The following HK2 variants were observed in gnomAD, a reference collection of about 807,000 sequenced individuals.
HK2 encodes the protein hexokinase-2.
A neutral mutation model predicts 92.9 loss-of-function variants in HK2; 42 were observed. The observed-to-expected ratio is 0.45, with a 90% confidence interval of 0.35 to 0.58. HK2 has a LOEUF of 0.58. Ranked by LOEUF, HK2 falls within the 20% of genes least tolerant of loss-of-function variation. The pLI, the probability that HK2 is intolerant of heterozygous loss-of-function variation, is 0.00. For synonymous variants in HK2, 422 were observed against 468.0 expected, an observed-to-expected ratio of 0.90 and a Z score of 1.27; for missense variants, 978 against 1,245.1, an observed-to-expected ratio of 0.79 and a Z score of 3.23.
rs777873822 is a variant in HK2 at position 74,877,196 on chromosome 2, G to C, written c.906G>C (p.Met302Ile). ...AGAAGATGATCAGTGGGATGTACAT[G>C]GGGGAGCTGGTGAGGCTTATCCTGG... Reference protein sequence around the residue: ...LFEKMISGMYMGELVRLILVK... With the variant: ...LFEKMISGMYIGELVRLILVK... The change falls in exon 8 of 18, where the codon ATG becomes ATC. Residue 302 changes from methionine (M) to isoleucine (I), a missense_variant. This residue lies in a region of HK2 where 742 missense variants were observed against 922.5 expected (regional missense o/e 0.80). Coordinates refer to ENST00000290573, the MANE Select transcript of HK2 (RefSeq NM_000189.5). The C allele has an allele frequency of 1.2e-6, 2 of 1,614,156 alleles. No homozygotes were observed. Among genetic ancestry groups the C allele is most frequent in the African/African-American group, 2.7e-5 (2 of 75,044 alleles).
intron 1 of HK2, among the ~76,000 whole-genome samples, chr2:74,839,095 C>T (rs909877158): frequency 2.0e-5 from 3 of 151,934 alleles, no homozygotes; most frequent in East Asian, 1.9e-4. Context: ...ATCTTGGAAG[C>T]GAAAAGATTG....
At chr2:74,883,467 G>T (rs1234688410) in intron 12 of HK2, among the ~76,000 whole-genome samples, 1 of 152,232 alleles carries the variant, frequency 6.6e-6, no homozygotes, top group African/African-American at 2.4e-5. Flanking sequence ...GGTCATGTAG[G>T]TGGGAGCAAG....
At chr2:74,852,819 C>T (rs1688601374) in intron 1 of HK2, among the ~76,000 whole-genome samples, 2 of 152,144 alleles carry the variant, frequency 1.3e-5, no homozygotes, top group Non-Finnish European at 2.9e-5. Context: ...GGAGAGTTGC[C>T]TCCGCATGAG....
chr2:74,886,807 G>A lies in HK2; in HGVS notation c.2219+134G>A, dbSNP rs562041176. 3.3e-5 allele frequency: 31 copies of A among 952,734 alleles called. No homozygotes were observed. The African/African-American group carries it at 4.8e-4, about 15-fold the overall frequency. The allele number at this position is 952,734 out of a possible 1,614,324, so 59.0% of individuals were successfully genotyped here. ...TAATAAAGGAGGTTTTCTTGGAAAG[G>A]GTTTCTTGTCGAATGCACCTGGAAA... On this transcript the variant is annotated intron_variant, in intron 15 of 17. Coordinates refer to ENST00000290573, the MANE Select transcript of HK2 (RefSeq NM_000189.5).
Position 74,834,767 on chromosome 2 carries a change from T to G in HK2, c.63+124T>G. ...ACTCCGGGCCTGGGAGCGGAAAAAG[T>G]TTGGGCAGCCGGGACACTCCTGGGC... On this transcript the variant is annotated intron_variant, in intron 1 of 17. Coordinates refer to ENST00000290573, the MANE Select transcript of HK2 (RefSeq NM_000189.5). The surrounding 1 kb of genome is among the most constrained non-coding windows in gnomAD (Gnocchi z 4.2). The G allele has an allele frequency of 5.6e-6, 6 of 1,078,214 alleles. No individual in the cohort carries two copies. The highest frequency in any genetic ancestry group is 8.4e-6 in the Non-Finnish European group (6 of 710,352). 66.8% of individuals were successfully genotyped at this position (1,078,214 alleles called of 1,614,324 possible).
In HK2 at chr2:74,869,989, T is replaced by C. The variant is rs6743196; in HGVS notation, c.375+2205T>C. Among the ~76,000 whole-genome samples, 475 of 142,142 alleles carry C rather than the reference T, an allele frequency of 3.3e-3. 2 individuals are homozygous for C. Among genetic ancestry groups the C allele is most frequent in the African/African-American group, 0.012 (440 of 35,334 alleles). The allele number at this position is 142,142 out of a possible 152,430, so 93.3% of individuals were successfully genotyped here. A position where few individuals can be genotyped will look rare whatever the true frequency, so the allele number is the denominator to read the frequency against. On this transcript the variant is annotated intron_variant, in intron 3 of 17. Transcript: ENST00000290573. The stretch of plus-strand genomic sequence containing the variant: ...AGGAACTGAATTTTTAAGGTCTTTT[T>C]TCTTTTCTTTTCTTTTTTTTTTTTT...
chr2:74,870,411 C>T lies in HK2; in HGVS notation c.376-1889C>T, dbSNP rs756537271. ...CTTCTTCACGGTCTATTTTTCTCTA[C>T]CTTCCTATGTTAGGAGCGCAACTGG... On this transcript the variant is annotated intron_variant, in intron 3 of 17. Coordinates refer to ENST00000290573, the MANE Select transcript of HK2 (RefSeq NM_000189.5). Among the ~76,000 whole-genome samples the T allele has an allele frequency of 8.0e-4, 122 of 152,218 alleles. 1 individual carries two copies. Among genetic ancestry groups the T allele is most frequent in the Middle Eastern group, 6.8e-3 (2 of 294 alleles).
chr2:74,891,135 A>C lies in HK2; in HGVS notation c.*194A>C, dbSNP rs940011757. 4.2e-5 allele frequency: 26 copies of C among 615,522 alleles called. No individual in the cohort carries two copies. The highest frequency in any genetic ancestry group is 2.0e-4 in the East Asian group (7 of 35,358). 38.1% of individuals were successfully genotyped at this position (615,522 alleles called of 1,614,324 possible). A position where few individuals can be genotyped will look rare whatever the true frequency, so the allele number is the denominator to read the frequency against. On this transcript the variant is annotated 3_prime_UTR_variant, in exon 18 of 18. Coordinates refer to ENST00000290573, the MANE Select transcript of HK2 (RefSeq NM_000189.5). ...AGCTTGGCCCTATTAAGATAAATAGAGTTCCAAATAAGGATTTGTTCACAT... is the reference window on the plus strand; with the variant it reads ...AGCTTGGCCCTATTAAGATAAATAGCGTTCCAAATAAGGATTTGTTCACAT...
chr2:74,887,144 A>G (rs961921189), intron 15 of HK2, among the ~76,000 whole-genome samples: 1 of 152,188 alleles, frequency 6.6e-6, no homozygotes, highest in African/African-American at 2.4e-5. Flanking sequence ...GATCTAACAC[A>G]CTTCTCATTA....
chr2:74,871,529 G>A (rs1573378731), intron 3 of HK2, among the ~76,000 whole-genome samples: 2 of 152,158 alleles, frequency 1.3e-5, no homozygotes, highest in South Asian at 4.2e-4. Flanking sequence ...CTGATTGAAA[G>A]CCTGGCTTAT....
At position 74,854,460 on chromosome 2, in the gene HK2, T is replaced by A; in HGVS notation, c.226+5T>A. ...GGTCCACTCCAGATGGGACAGGTAC[T>A]GCATCTGGGGGATGGCTCTAGCTGC... is the stretch of plus-strand genomic sequence containing the variant. On this transcript the variant is annotated splice_donor_5th_base_variant and intron_variant, in intron 2 of 17. Coordinates refer to ENST00000290573, the MANE Select transcript of HK2 (RefSeq NM_000189.5). 1 of 1,614,100 alleles carries A rather than the reference T, an allele frequency of 6.2e-7. No individual in the cohort carries two copies. The highest frequency in any genetic ancestry group is 8.5e-7 in the Non-Finnish European group (1 of 1,179,946).
At chr2:74,842,465 G>A (rs898880700) in intron 1 of HK2, among the ~76,000 whole-genome samples, 2 of 152,192 alleles carry the variant, frequency 1.3e-5, no homozygotes, top group African/African-American at 4.8e-5. Context: ...GTAAGTCGGA[G>A]CATCTGTACA....
chr2:74,890,930 G>A lies in HK2; in HGVS notation c.2743G>A (p.Gly915Arg). 6.2e-7 allele frequency: 1 copy of A among 1,614,148 alleles called. No homozygotes were observed. Among genetic ancestry groups the A allele is most frequent in the Non-Finnish European group, 8.5e-7 (1 of 1,180,026 alleles). Residue 915 changes from glycine (G) to arginine (R), a missense_variant, in exon 18 of 18, where the codon GGA becomes AGA. Transcript: ENST00000290573. ...TGTGGCCTGCCGCATCCGTGAGGCTGGACAGCGATAGAACCCCTGAAATCG... is the reference window on the plus strand; with the variant it reads ...TGTGGCCTGCCGCATCCGTGAGGCTAGACAGCGATAGAACCCCTGAAATCG... ...TAVACRIREA[G>R]QR
At chr2:74,885,355 A>G in intron 12 of HK2, 139 bp from the exon 13 acceptor site, 1 of 710,758 alleles carries the variant, frequency 1.4e-6, no homozygotes, top group Admixed American at 2.0e-5. Context: ...GAACAGTTTA[A>G]TTTGCGGGTG....
At chr2:74,875,063 C>T (rs1314707871) in intron 7 of HK2, among the ~76,000 whole-genome samples, 2 of 152,176 alleles carry the variant, frequency 1.3e-5, no homozygotes, top group African/African-American at 4.8e-5. Flanking sequence ...TCCAGCCTGG[C>T]CTGCCTTTGT....
rs570948816 is a variant in HK2 at position 74,874,856 on chromosome 2, A to T, written c.875+407A>T. Among the ~76,000 whole-genome samples, 3 of 152,214 alleles carry T rather than the reference A, an allele frequency of 2.0e-5. No homozygotes were observed. The South Asian group carries it at 6.2e-4, about 32-fold the overall frequency. On this transcript the variant is annotated intron_variant, in intron 7 of 17. Coordinates refer to ENST00000290573, the MANE Select transcript of HK2 (RefSeq NM_000189.5). The stretch of plus-strand genomic sequence containing the variant: ...CCAACTCCATCACCACCCAGAGGAC[A>T]GGCTGACAGCTGGCTGCTCATTGCT...
intron 1 of HK2, among the ~76,000 whole-genome samples, chr2:74,843,851 C>T (rs1355919899): frequency 6.6e-6 from 1 of 152,188 alleles, no homozygotes; most frequent in Non-Finnish European, 1.5e-5. Context: ...CTTCCTGTTT[C>T]CTCCCAAACT....
Position 74,834,606 on chromosome 2 carries a change from A to T in HK2, c.26A>T (p.Tyr9Phe), listed in dbSNP as rs768264746. The T allele has an allele frequency of 8.7e-6, 14 of 1,613,720 alleles. No homozygotes were observed. The highest frequency in any genetic ancestry group is 1.2e-5 in the Non-Finnish European group (14 of 1,179,798). MIASHLLA[Y>F]FFTELNHDQV... Reference sequence around the variant, plus strand: ...ATGATTGCCTCGCATCTGCTTGCCTACTTCTTCACGGAGCTCAACCATGAC... The same window carrying T: ...ATGATTGCCTCGCATCTGCTTGCCTTCTTCTTCACGGAGCTCAACCATGAC... The change falls in exon 1 of 18, where the codon TAC becomes TTC. Residue 9 changes from tyrosine (Y) to phenylalanine (F), a missense_variant. Tyr to Phe is a conservative substitution (Grantham distance 22). Coordinates refer to ENST00000290573, the MANE Select transcript of HK2 (RefSeq NM_000189.5). The surrounding 1 kb of genome is among the most constrained non-coding windows in gnomAD (Gnocchi z 4.2).
At chr2:74,853,195 A>G (rs28362980) in intron 1 of HK2, among the ~76,000 whole-genome samples, 2,641 of 152,178 alleles carry the variant, frequency 0.017, 81 homozygotes, top group African/African-American at 0.06. Flanking sequence ...GAGAGAATCT[A>G]CACAAAGAGT....
Sources: gnomAD v4.1 joint callset for allele counts (sites outside exome capture counted in the v4.1 genomes callset) on GRCh38, gnomAD v4.1.1 for gene constraint, gnomAD v4.1.1 regional missense constraint, Gnocchi (gnomAD v3.1) non-coding constraint, MANE v1.5 for transcripts, NCBI Gene and HGNC (gene_info 2026-07-23, HGNC 2026-07-21) for gene names.